CDH23: variants seen among roughly 807,000 people sequenced by gnomAD.
CDH23 encodes the protein cadherin related 23.
CDH23 carries 189 observed loss-of-function variants against 317.1 expected under a neutral mutation model. The ratio of observed to expected loss-of-function variants is 0.60; its 90% CI spans 0.53 to 0.67. The LOEUF (loss-of-function observed/expected upper bound fraction) is 0.67, where lower values mean the gene tolerates loss of function less well. CDH23 is among the 30% of genes least tolerant of loss of function. The pLI is 0.00. For synonymous variants in CDH23, 1,839 were observed against 1,876.8 expected, an observed-to-expected ratio of 0.98 and a Z score of 0.52; for missense variants, 4,401 against 4,592.4, an observed-to-expected ratio of 0.96 and a Z score of 1.20.
intron 18 of CDH23, among the ~76,000 whole-genome samples, chr10:71,683,274 G>C (rs746843046): frequency 6.6e-6 from 1 of 152,232 alleles, no homozygotes; most frequent in South Asian, 2.1e-4. Flanking sequence ...GGGAGACAGC[G>C]AACGCGTGTT....
At chr10:71,585,913 C>CTT (rs761690536) in intron 9 of CDH23, among the ~76,000 whole-genome samples, 5 of 152,210 alleles carry the variant, frequency 3.3e-5, no homozygotes, top group Non-Finnish European at 5.9e-5. Context: ...GGTGGGTGGA[C>CTT]TTTTAAGAGG....
intron 1 of CDH23, among the ~76,000 whole-genome samples, chr10:71,403,369 TTCTTTC>T (rs1847893913): frequency 8.9e-6 from 1 of 112,026 alleles, no homozygotes; most frequent in Non-Finnish European, 1.7e-5. Context: ...CTTTCTTTCT[TTCTTTC>T]TTTCTTTCTT....
At chr10:71,578,613 C>T (rs182421354) in intron 9 of CDH23, among the ~76,000 whole-genome samples, 2 of 152,294 alleles carry the variant, frequency 1.3e-5, no homozygotes, top group East Asian at 3.9e-4. Flanking sequence ...CAAAGACTGA[C>T]AAATGGCAGC....
At chr10:71,671,856 T>TA (rs1315695175) in intron 14 of CDH23, among the ~76,000 whole-genome samples, 1 of 152,220 alleles carries the variant, frequency 6.6e-6, no homozygotes, top group Non-Finnish European at 1.5e-5. Flanking sequence ...TGACAGTACT[T>TA]ACCTGTGGAG....
At chr10:71,623,979 C>T (rs758662311) in intron 11 of CDH23, among the ~76,000 whole-genome samples, 1 of 152,248 alleles carries the variant, frequency 6.6e-6, no homozygotes, top group Non-Finnish European at 1.5e-5. Flanking sequence ...AGGCAAGACT[C>T]GTCCTCCCGC....
At chr10:71,573,541 A>C (rs1178850176) in intron 8 of CDH23, among the ~76,000 whole-genome samples, 1 of 152,092 alleles carries the variant, frequency 6.6e-6, no homozygotes, top group Non-Finnish European at 1.5e-5. Flanking sequence ...AGCAAACCAG[A>C]GCCTTGCCCT....
intron 27 of CDH23, among the ~76,000 whole-genome samples, chr10:71,710,230 C>T (rs556212559): frequency 4.3e-4 from 65 of 152,336 alleles, no homozygotes; most frequent in African/African-American, 1.5e-3. Context: ...TCAAGTGCAG[C>T]GGCATGGAAG....
At chr10:71,585,620 C>G (rs996179347) in intron 9 of CDH23, among the ~76,000 whole-genome samples, 1 of 152,154 alleles carries the variant, frequency 6.6e-6, no homozygotes, top group Non-Finnish European at 1.5e-5. Flanking sequence ...ACCATCATGC[C>G]GAGACAGCAA....
chr10:71,642,713 T>C (rs1862619006), intron 11 of CDH23, among the ~76,000 whole-genome samples: 1 of 152,184 alleles, frequency 6.6e-6, no homozygotes, highest in Non-Finnish European at 1.5e-5. Context: ...GCCCGGCCTC[T>C]TATCCCCCAC....
intron 3 of CDH23, among the ~76,000 whole-genome samples, chr10:71,454,400 G>A (rs1166333766): frequency 1.3e-5 from 2 of 152,198 alleles, no homozygotes; most frequent in Non-Finnish European, 2.9e-5. Flanking sequence ...ACTTTAATGT[G>A]TCAGACAAGC....
intron 9 of CDH23, among the ~76,000 whole-genome samples, chr10:71,612,800 G>C (rs1239471561): frequency 6.6e-6 from 1 of 152,220 alleles, no homozygotes; most frequent in Non-Finnish European, 1.5e-5. Flanking sequence ...GCTTCACCCA[G>C]CCTCAGCACT....
chr10:71,714,526 C>T (rs2132765687), intron 28 of CDH23: 1 of 152,356 alleles, frequency 6.6e-6, no homozygotes, highest in African/African-American at 2.4e-5. Flanking sequence ...GGCAGGAGGG[C>T]TTCACAGAGT....
chr10:71,659,886 C>T (rs1408423495), intron 14 of CDH23, among the ~76,000 whole-genome samples: 2 of 151,922 alleles, frequency 1.3e-5, no homozygotes, highest in Non-Finnish European at 1.5e-5. Flanking sequence ...GGATAAAGAC[C>T]GCGTCCTCCA....
At chr10:71,746,496 C>T (rs1440812195) in intron 38 of CDH23, among the ~76,000 whole-genome samples, 2 of 152,244 alleles carry the variant, frequency 1.3e-5, no homozygotes, top group African/African-American at 2.4e-5. Flanking sequence ...CAATGGTGTG[C>T]CACTGGCCGG....
At chr10:71,755,298 C>CCCCCA in intron 38 of CDH23, 1 of 1,454,824 alleles carries the variant, frequency 6.9e-7, no homozygotes, top group East Asian at 2.4e-5. Flanking sequence ...AGGGGCTGAA[C>CCCCCA]TGGGGGCTGG....
intron 6 of CDH23, 51 bp downstream of exon 6, chr10:71,511,263 C>A (rs748486515): frequency 2.0e-6 from 3 of 1,476,022 alleles, no homozygotes; most frequent in East Asian, 2.3e-5. Flanking sequence ...TGCTGCTCCC[C>A]AGACCACCAT....
intron 2 of CDH23, among the ~76,000 whole-genome samples, chr10:71,445,622 T>G (rs762778140): frequency 6.6e-6 from 1 of 152,178 alleles, no homozygotes; most frequent in Non-Finnish European, 1.5e-5. Flanking sequence ...GAGGATTGCT[T>G]GAGCCCAGGA....
chr10:71,451,388 A>G (rs928147058), intron 3 of CDH23, among the ~76,000 whole-genome samples: 19 of 152,220 alleles, frequency 1.2e-4, no homozygotes, highest in Admixed American at 2.0e-4. Flanking sequence ...GTGTTCCTCA[A>G]TGGCAACCAG....
intron 1 of CDH23, among the ~76,000 whole-genome samples, chr10:71,434,212 A>AC (rs1033328395): frequency 2.6e-5 from 4 of 151,926 alleles, no homozygotes; most frequent in African/African-American, 9.7e-5. Flanking sequence ...CTCATATGTC[A>AC]CCTCCCCAGT....
Sources: allele counts gnomAD v4.1 joint callset (sites outside exome capture counted in the v4.1 genomes callset), GRCh38; gene constraint gnomAD v4.1.1; transcripts MANE v1.5; gene names NCBI Gene and HGNC (gene_info 2026-07-23, HGNC 2026-07-21).